EML6: variants seen among roughly 807,000 people sequenced by gnomAD.
EML6 encodes the protein EMAP like 6, also known as echinoderm microtubule-associated protein-like 6.
EML6 carries 154 observed loss-of-function variants against 240.1 expected under a neutral mutation model. That is an observed-to-expected ratio of 0.64 (90% CI 0.56 to 0.73). The LOEUF (loss-of-function observed/expected upper bound fraction) is 0.73, where lower values mean the gene tolerates loss of function less well. EML6 is among the 30% of genes least tolerant of loss of function. The pLI, the probability that EML6 is intolerant of heterozygous loss-of-function variation, is 0.00. For synonymous variants in EML6, 1,148 were observed against 899.0 expected (o/e 1.28, Z -4.95); for missense variants, 2,964 against 2,474.6 (o/e 1.20, Z -4.20).
Position 54,970,527 on chromosome 2 carries a change from G to A in EML6, c.*432G>A, listed in dbSNP as rs1558738754. 1.2e-5 allele frequency: 2 copies of A among 172,414 alleles called. No individual in the cohort carries two copies. The highest frequency in any genetic ancestry group is 2.4e-5 in the African/African-American group (1 of 42,294). 10.7% of individuals were successfully genotyped at this position (172,414 alleles called of 1,614,324 possible). On this transcript the variant is annotated 3_prime_UTR_variant, in exon 42 of 42. Transcript: ENST00000356458. ...GAATGTTCATTTTTACAAATAAGTT[G>A]AACAAGACAGCCTAAGTTAGATGCA...
chr2:54,887,594 T>TA (rs1195027573), intron 17 of EML6, among the ~76,000 whole-genome samples: 2 of 152,236 alleles, frequency 1.3e-5, no homozygotes, highest in African/African-American at 4.8e-5. Flanking sequence ...ATTCTCACAT[T>TA]AAAAAGAAAT....
At position 54,971,293 on chromosome 2, in the gene EML6, G is replaced by A. The variant is rs1458432893; in HGVS notation, c.*1198G>A. ...ATGACTTGGACAATCTTTACCAGAA[G>A]CCATCCGTAAGCCCCTCAGTCACAC... On this transcript the variant is annotated 3_prime_UTR_variant, in exon 42 of 42. Coordinates refer to ENST00000356458, the MANE Select transcript of EML6 (RefSeq NM_001039753.4). 1 of 152,212 alleles carries A rather than the reference G, an allele frequency of 6.6e-6. No individual in the cohort carries two copies. The highest frequency in any genetic ancestry group is 1.5e-5 in the Non-Finnish European group (1 of 68,032). 9.4% of individuals were successfully genotyped at this position (152,212 alleles called of 1,614,324 possible).
Position 54,957,840 on chromosome 2 carries a change from G to A in EML6, c.4537G>A (p.Glu1513Lys). ...GGHLERIFVV[E>K]FRPDSDTQFV... is the part of the protein sequence containing the mutation. ...TCACCTGGAGCGCATATTTGTGGTGGAATTTCGCCCCGACTCAGACACGCA... is the reference window on the plus strand; with the variant it reads ...TCACCTGGAGCGCATATTTGTGGTGAAATTTCGCCCCGACTCAGACACGCA... Residue 1513 changes from glutamate to lysine, a missense_variant, in exon 33 of 42, where the codon GAA becomes AAA. Coordinates refer to ENST00000356458, the MANE Select transcript of EML6 (RefSeq NM_001039753.4). 6.4e-7 allele frequency: 1 copy of A among 1,550,580 alleles called. No individual in the cohort carries two copies.
intron 2 of EML6, chr2:54,747,304 C>T (rs1351804559): frequency 3.9e-5 from 6 of 152,166 alleles, no homozygotes; most frequent in Admixed American, 1.3e-4. Context: ...GTTTTCAGAG[C>T]GGGTCACTTC....
At chr2:54,749,350 T>A (rs1327151241) in intron 2 of EML6, among the ~76,000 whole-genome samples, 1 of 152,174 alleles carries the variant, frequency 6.6e-6, no homozygotes, top group African/African-American at 2.4e-5. Flanking sequence ...AAACATTATA[T>A]TCAAATATAA....
chr2:54,889,236 G>A (rs1273293490), intron 17 of EML6, among the ~76,000 whole-genome samples: 1 of 151,998 alleles, frequency 6.6e-6, no homozygotes, highest in African/African-American at 2.4e-5. Context: ...GCTACTCTCT[G>A]CACTCTGCTT....
intron 2 of EML6, among the ~76,000 whole-genome samples, chr2:54,797,234 A>T (rs2103948248): frequency 6.8e-6 from 1 of 147,412 alleles, no homozygotes; most frequent in Admixed American, 6.8e-5. Flanking sequence ...AGCTGTATTT[A>T]TTATAATAAG....
In EML6 at chr2:54,785,392, C is replaced by G. The variant is rs544120278; in HGVS notation, c.198-27840C>G. Among the ~76,000 whole-genome samples the G allele has an allele frequency of 7.9e-5, 12 of 152,048 alleles. No individual in the cohort carries two copies. The East Asian group carries it at 1.9e-3, about 25-fold the overall frequency. Reference sequence around the variant, plus strand: ...GGTTTCACCATGTTGCCAGGCTGGTCTTGAACTCCGGACCTCAAGTGATCC... The same window carrying G: ...GGTTTCACCATGTTGCCAGGCTGGTGTTGAACTCCGGACCTCAAGTGATCC... On this transcript the variant is annotated intron_variant, in intron 2 of 41. Transcript: ENST00000356458.
rs116985337 is a variant in EML6, at chr2:54,856,383, G to T, written c.1657+2528G>T. 1.4e-3 allele frequency among the ~76,000 whole-genome samples: 209 copies of T among 152,224 alleles called. 4 individuals carry two copies. In the East Asian group the frequency reaches 0.038, roughly 28 times the overall value. On this transcript the variant is annotated intron_variant, in intron 11 of 41. Coordinates refer to ENST00000356458, the MANE Select transcript of EML6 (RefSeq NM_001039753.4). The stretch of plus-strand genomic sequence containing the variant: ...TCAGAGGCTCTCCATGTTCCACCTG[G>T]TGCACCCGTTCCATTCCTCCTTTGC...
At chr2:54,806,127 G>A (rs147441446) in intron 2 of EML6, among the ~76,000 whole-genome samples, 44 of 152,164 alleles carry the variant, frequency 2.9e-4, no homozygotes, top group Non-Finnish European at 5.9e-4. Context: ...ATATATGTGT[G>A]TATGTATATA....
chr2:54,964,254 T>C (rs1350570910), intron 37 of EML6, 96 bp downstream of exon 37: 13 of 1,271,346 alleles, frequency 1.0e-5, no homozygotes, highest in Admixed American at 2.6e-5. Flanking sequence ...AAGAACTCAG[T>C]TGTGAGAGGG....
chr2:54,955,382 C>T (rs1676184209), intron 32 of EML6, among the ~76,000 whole-genome samples: 1 of 152,166 alleles, frequency 6.6e-6, no homozygotes, highest in Non-Finnish European at 1.5e-5. Flanking sequence ...CCCCTTTGTC[C>T]TTTCAAGGGG....
At chr2:54,812,440 A>G (rs961263098) in intron 2 of EML6, among the ~76,000 whole-genome samples, 2 of 152,162 alleles carry the variant, frequency 1.3e-5, no homozygotes, top group East Asian at 1.9e-4. Context: ...CTAGTTTGCT[A>G]TATAGGTAAT....
chr2:54,728,574 C>A (rs945982948), intron 2 of EML6, among the ~76,000 whole-genome samples: 1 of 152,238 alleles, frequency 6.6e-6, no homozygotes, highest in African/African-American at 2.4e-5. Flanking sequence ...TGAGTGGCAT[C>A]ACTTTTCAGG....
intron 5 of EML6, among the ~76,000 whole-genome samples, chr2:54,826,718 A>G (rs963015069): frequency 1.3e-5 from 2 of 152,242 alleles, no homozygotes; most frequent in East Asian, 1.9e-4. Flanking sequence ...CTTCTACACA[A>G]TGGACACATT....
intron 7 of EML6, among the ~76,000 whole-genome samples, chr2:54,830,345 AGG>A (rs1668806923): frequency 6.6e-6 from 1 of 152,112 alleles, no homozygotes; most frequent in African/African-American, 2.4e-5. Flanking sequence ...GCGCCAAGGG[AGG>A]GGTACATGGT....
intron 2 of EML6, among the ~76,000 whole-genome samples, chr2:54,803,285 C>G (rs960544989): frequency 1.3e-5 from 2 of 152,148 alleles, no homozygotes; most frequent in Non-Finnish European, 2.9e-5. Context: ...TCAAAGCCAA[C>G]TAAACTGGTC....
intron 18 of EML6, among the ~76,000 whole-genome samples, chr2:54,891,939 C>T (rs1467920280): frequency 6.6e-6 from 1 of 152,132 alleles, no homozygotes; most frequent in Non-Finnish European, 1.5e-5. Flanking sequence ...CAAAACAATT[C>T]TTTTTTCTCA....
At chr2:54,900,785 A>G (rs1673013818) in intron 22 of EML6, among the ~76,000 whole-genome samples, 4 of 152,194 alleles carry the variant, frequency 2.6e-5, no homozygotes, top group Admixed American at 2.6e-4. Flanking sequence ...GGCACAGAGC[A>G]GGGTGGACAA....
Sources: allele counts gnomAD v4.1 joint callset (sites outside exome capture counted in the v4.1 genomes callset), GRCh38; gene constraint gnomAD v4.1.1; transcripts MANE v1.5; gene names NCBI Gene and HGNC (gene_info 2026-07-23, HGNC 2026-07-21).